VASH2: variants seen among roughly 807,000 people sequenced by gnomAD.
VASH2 encodes tubulinyl-Tyr carboxypeptidase 2.
A neutral mutation model predicts 37.2 loss-of-function variants in VASH2; 28 were observed. That is an observed-to-expected ratio of 0.75 (90% CI 0.56 to 1.03). The LOEUF is 1.03. Ranked by LOEUF, VASH2 falls within the 50% of genes least tolerant of loss-of-function variation. VASH2 has a pLI of 0.00. For missense variants in VASH2, 419 were observed against 459.1 expected (o/e 0.91, Z 0.80); for synonymous variants, 188 against 174.7 (o/e 1.08, Z -0.60).
At chr1:212,983,981 C>T (rs898981657) in intron 7 of VASH2, among the ~76,000 whole-genome samples, 1 of 152,194 alleles carries the variant, frequency 6.6e-6, no homozygotes, top group African/African-American at 2.4e-5. Context: ...ATTATCTCCT[C>T]TATAAAATGG....
chr1:212,955,653 A>G (rs1666467410), intron 2 of VASH2, among the ~76,000 whole-genome samples: 1 of 152,232 alleles, frequency 6.6e-6, no homozygotes, highest in Non-Finnish European at 1.5e-5. Context: ...AAGAAACAGC[A>G]GTCGGTTTCT....
Position 212,988,839 on chromosome 1 carries a change from G to GT in VASH2, c.*256dup, listed in dbSNP as rs2075825834. 6.8e-6 allele frequency: 3 copies of GT among 438,752 alleles called. No homozygotes were observed. The South Asian group carries it at 8.8e-5, about 13-fold the overall frequency. The allele number at this position is 438,752 out of a possible 1,614,324, so 27.2% of individuals were successfully genotyped here. ...CTCACTCAAGATCTTAAGGATAACC[G>GT]TAACTGAAGTTTTATATTTTTCCAT... On this transcript the variant is annotated 3_prime_UTR_variant, in exon 8 of 8. Coordinates refer to ENST00000517399, the MANE Select transcript of VASH2 (RefSeq NM_001301056.2).
intron 7 of VASH2, among the ~76,000 whole-genome samples, chr1:212,976,633 T>G (rs1358696625): frequency 6.6e-6 from 1 of 150,652 alleles, no homozygotes; most frequent in Admixed American, 6.6e-5. Context: ...GAACAGAAGA[T>G]GGAAGAGGAA....
chr1:212,973,404 G>T, intron 6 of VASH2: 2 of 1,291,646 alleles, frequency 1.5e-6, no homozygotes, highest in South Asian at 1.2e-5. Context: ...TGTGATTCCC[G>T]CTTGTCCATG....
chr1:212,972,584 T>G lies in VASH2; in HGVS notation c.502T>G (p.Leu168Val). The G allele has an allele frequency of 6.2e-7, 1 of 1,612,818 alleles. No individual in the cohort carries two copies. The highest frequency in any genetic ancestry group is 8.5e-7 in the Non-Finnish European group (1 of 1,179,770). The change falls in exon 6 of 8, where the codon TTA becomes GTA. Residue 168 changes from leucine to valine, a missense_variant. By Grantham distance (32) the Leu-to-Val change is conservative. Transcript: ENST00000517399. ...CLEAVILGIY[L>V]TNGQPSIERF... Reference sequence around the variant, plus strand: ...CCTTGACTCAGATTGTCTAAGCTACTTAACCAATGGGCAGCCTTCCATTGA... The same window carrying G: ...CCTTGACTCAGATTGTCTAAGCTACGTAACCAATGGGCAGCCTTCCATTGA...
chr1:212,957,244 T>C (rs1666525998), intron 2 of VASH2, among the ~76,000 whole-genome samples: 1 of 152,234 alleles, frequency 6.6e-6, no homozygotes, highest in African/African-American at 2.4e-5. Context: ...CTGTATACCA[T>C]CGTATATTCC....
intron 7 of VASH2, among the ~76,000 whole-genome samples, chr1:212,978,094 T>A (rs1667231965): frequency 6.6e-6 from 1 of 151,844 alleles, no homozygotes; most frequent in Non-Finnish European, 1.5e-5. Flanking sequence ...AGTTAGGGGG[T>A]CTGACCCTGC....
At chr1:212,973,153 C>T (rs1667062804) in intron 6 of VASH2, among the ~76,000 whole-genome samples, 192 bp downstream of exon 6, 1 of 152,180 alleles carries the variant, frequency 6.6e-6, no homozygotes, top group Non-Finnish European at 1.5e-5. Flanking sequence ...AACAATGTCT[C>T]GTCCTGCAAT....
chr1:212,966,406 T>G (rs3738805), intron 5 of VASH2, 61 bp downstream of exon 5: 797,120 of 1,378,352 alleles, frequency 0.58, 231,916 homozygotes, highest in African/African-American at 0.64. Context: ...CAATGGGGCT[T>G]GTTGTGCCTT....
At chr1:212,957,518 G>A (rs1348961951) in intron 2 of VASH2, among the ~76,000 whole-genome samples, 3 of 152,214 alleles carry the variant, frequency 2.0e-5, no homozygotes, top group East Asian at 1.9e-4. Context: ...CTCTGCTGCT[G>A]CTGTTTCTGT....
At chr1:212,962,809 T>A (rs1045820745) in intron 3 of VASH2, among the ~76,000 whole-genome samples, 3 of 152,114 alleles carry the variant, frequency 2.0e-5, no homozygotes, top group Non-Finnish European at 4.4e-5. Flanking sequence ...CTGTCTGCTG[T>A]TTGTGCTGAT....
Position 212,951,548 on chromosome 1 carries a change from C to T in VASH2, c.6C>T (p.Thr2=). The change falls in exon 2 of 8, where the codon ACC becomes ACT. Residue 2 remains threonine, a synonymous_variant. Transcript: ENST00000517399. The surrounding 1 kb of genome is among the most constrained non-coding windows in gnomAD (Gnocchi z 4.4). M[T]GSAADTHRCP... is the part of the protein sequence containing the mutation. ...CTCCCCGCCCAGGCCCCACCATGAC[C>T]GGCTCCGCGGCCGACACTCACCGCT... 2 of 1,515,298 alleles carry T rather than the reference C, an allele frequency of 1.3e-6. No individual in the cohort carries two copies. Among genetic ancestry groups the T allele is most frequent in the East Asian group, 2.5e-5 (1 of 40,546 alleles). 93.9% of individuals were successfully genotyped at this position (1,515,298 alleles called of 1,614,324 possible).
chr1:212,968,556 A>G (rs1177815300), intron 5 of VASH2: 1 of 985,388 alleles, frequency 1.0e-6, no homozygotes, highest in Non-Finnish European at 1.2e-6. Flanking sequence ...CTGACATTTG[A>G]AAAATGGAAA....
chr1:212,973,671 G>T (rs1273922195), intron 6 of VASH2: 9 of 1,255,952 alleles, frequency 7.2e-6, no homozygotes, highest in Middle Eastern at 6.0e-4. Context: ...CAGCCCCGGG[G>T]AGACTGAGGC....
In VASH2 at chr1:212,972,611, C is replaced by T. The variant is rs1051024012; in HGVS notation, c.529C>T (p.Arg177Trp). ...AACCAATGGGCAGCCTTCCATTGAGCGGTTCCCCATCAGCTTTAAAACCTA... is the reference window on the plus strand; with the variant it reads ...AACCAATGGGCAGCCTTCCATTGAGTGGTTCCCCATCAGCTTTAAAACCTA... ...YLTNGQPSIE[R>W]FPISFKTYFS... Residue 177 changes from arginine to tryptophan, a missense_variant, in exon 6 of 8, where the codon CGG becomes TGG. By Grantham distance (101) the Arg-to-Trp change is moderately radical. Transcript: ENST00000517399. 1.2e-6 allele frequency: 2 copies of T among 1,614,044 alleles called. No homozygotes were observed. Among genetic ancestry groups the T allele is most frequent in the African/African-American group, 1.3e-5 (1 of 75,026 alleles).
At chr1:212,954,685 C>T (rs759239574) in intron 2 of VASH2, among the ~76,000 whole-genome samples, 5 of 151,950 alleles carry the variant, frequency 3.3e-5, no homozygotes, top group East Asian at 1.9e-4. Context: ...CCCAAAGTAC[C>T]GGGATTACAA....
intron 2 of VASH2, among the ~76,000 whole-genome samples, chr1:212,952,106 C>T (rs1229633660): frequency 2.0e-5 from 3 of 152,126 alleles, no homozygotes; most frequent in African/African-American, 7.2e-5. Context: ...TATTTACTCA[C>T]CCCCACATAC....
intron 3 of VASH2, 150 bp from the exon 4 acceptor site, chr1:212,965,572 G>A: frequency 1.6e-6 from 1 of 642,534 alleles, no homozygotes. Flanking sequence ...AGGAGTTAGA[G>A]GCTACTACTA....
chr1:212,964,273 T>C (rs1474693156), intron 3 of VASH2, among the ~76,000 whole-genome samples: 1 of 152,306 alleles, frequency 6.6e-6, no homozygotes, highest in African/African-American at 2.4e-5. Context: ...AGCACAGCTG[T>C]GCCAAGAGAG....
Sources: gnomAD v4.1 joint callset for allele counts (sites outside exome capture counted in the v4.1 genomes callset) on GRCh38, gnomAD v4.1.1 for gene constraint, Gnocchi (gnomAD v3.1) non-coding constraint, MANE v1.5 for transcripts, NCBI Gene and HGNC (gene_info 2026-07-23, HGNC 2026-07-21) for gene names.